The following NARF variants were observed in gnomAD, a reference collection of about 807,000 sequenced individuals.
NARF encodes iron-only hydrogenase-like protein 2.
A neutral mutation model predicts 48.0 loss-of-function variants in NARF; 41 were observed. That is an observed-to-expected ratio of 0.85 (90% CI 0.66 to 1.11). NARF has a LOEUF of 1.11. NARF is among the 50% of genes least tolerant of loss of function. The pLI, the probability that NARF is intolerant of heterozygous loss-of-function variation, is 0.00. For missense variants in NARF, 613 were observed against 590.2 expected (o/e 1.04, Z -0.40); for synonymous variants, 215 against 225.5 (o/e 0.95, Z 0.42).
In NARF at chr17:82,458,896, G is replaced by A. The variant is rs974250970; in HGVS notation, c.27+66G>A. 7.7e-6 allele frequency: 10 copies of A among 1,299,152 alleles called. No homozygotes were observed. The African/African-American group carries it at 1.5e-4, about 20-fold the overall frequency. The allele number at this position is 1,299,152 out of a possible 1,614,324, so 80.5% of individuals were successfully genotyped here. A position where few individuals can be genotyped will look rare whatever the true frequency, so the allele number is the denominator to read the frequency against. On this transcript the variant is annotated intron_variant, in intron 1 of 10. Transcript: ENST00000309794. ...TCCTGTGGGGCTCTGGGCGGCCGAG[G>A]TTGGCGGTCCGGGCCCGCCGCTCGC...
At chr17:82,478,779 G>A (rs778770000) in intron 5 of NARF, 21 bp from the exon 6 acceptor site, 24 of 1,605,632 alleles carry the variant, frequency 1.5e-5, no homozygotes, top group African/African-American at 4.0e-5. Flanking sequence ...GGAGCTGACC[G>A]TGGATCCCTT....
rs2044079165 is a variant in NARF, at chr17:82,485,587, C to T, written c.1062C>T (p.Asn354=). 6.2e-6 allele frequency: 10 copies of T among 1,614,236 alleles called. No homozygotes were observed. The highest frequency in any genetic ancestry group is 8.5e-6 in the Non-Finnish European group (10 of 1,180,038). Residue 354 remains asparagine, a synonymous_variant, in exon 10 of 11, where the codon AAC becomes AAT. Transcript: ENST00000309794. ...CCTATGGCTTTCGAAACATCCAGAA[C>T]ATGATCCTGAAGCTTAAGAAGGGCA... ...AAAYGFRNIQ[N]MILKLKKGKF...
intron 5 of NARF, among the ~76,000 whole-genome samples, chr17:82,473,302 T>TTC (rs1334723855): frequency 1.3e-5 from 2 of 149,164 alleles, no homozygotes; most frequent in African/African-American, 4.9e-5. Context: ...TCTATTTTTT[T>TTC]TTTTTTTTTG....
At chr17:82,474,444 T>G (rs1487639751) in intron 5 of NARF, among the ~76,000 whole-genome samples, 1 of 152,134 alleles carries the variant, frequency 6.6e-6, no homozygotes, top group Non-Finnish European at 1.5e-5. Context: ...TTAAGAAATC[T>G]TCGATGATGC....
chr17:82,478,531 A>T, intron 5 of NARF: 1 of 533,342 alleles, frequency 1.9e-6, no homozygotes, highest in Non-Finnish European at 3.6e-6. Context: ...TTTTTGGGGG[A>T]CCTGTTACTC....
intron 3 of NARF, 35 bp from the exon 4 acceptor site, chr17:82,468,729 A>C (rs2043628851): frequency 6.2e-7 from 1 of 1,608,570 alleles, no homozygotes; most frequent in East Asian, 2.2e-5. Context: ...TTGTGTAATC[A>C]GCAGATACCT....
rs1165034347 is a variant in NARF, at chr17:82,489,098, T to A, written c.*941T>A. 2 of 152,820 alleles carry A rather than the reference T, an allele frequency of 1.3e-5. No individual in the cohort carries two copies. Among genetic ancestry groups the A allele is most frequent in the African/African-American group, 4.8e-5 (2 of 41,468 alleles). 9.5% of individuals were successfully genotyped at this position (152,820 alleles called of 1,614,324 possible). ...TTTTCAGCTTTTCTTAGAAAAACTG[T>A]AGTTTCTGACAACAGTAGGCCCCAT... On this transcript the variant is annotated 3_prime_UTR_variant, in exon 11 of 11. Transcript: ENST00000309794.
At chr17:82,485,048 G>A (rs1361476415) in intron 9 of NARF, 98 bp downstream of exon 9, 12 of 1,381,804 alleles carry the variant, frequency 8.7e-6, no homozygotes, top group Non-Finnish European at 1.2e-5. Flanking sequence ...TATGGATGGA[G>A]TTTACACTAG....
At chr17:82,470,283 G>A (rs1289785520) in intron 4 of NARF, among the ~76,000 whole-genome samples, 2 of 152,090 alleles carry the variant, frequency 1.3e-5, no homozygotes, top group Non-Finnish European at 2.9e-5. Context: ...GTGCCCACAC[G>A]TTAGGTCGCT....
At chr17:82,464,233 A>G in intron 2 of NARF, 54 bp from the exon 3 acceptor site, 1 of 1,580,612 alleles carries the variant, frequency 6.3e-7, no homozygotes, top group South Asian at 1.2e-5. Context: ...TCTCTAAAGA[A>G]GCACATTAAA....
chr17:82,486,713 G>T (rs2044103325), intron 10 of NARF, among the ~76,000 whole-genome samples: 1 of 152,174 alleles, frequency 6.6e-6, no homozygotes, highest in South Asian at 2.1e-4. Flanking sequence ...GGGGCCTGAG[G>T]AAGGAGAAGG....
At chr17:82,467,380 C>T (rs951033005) in intron 3 of NARF, among the ~76,000 whole-genome samples, 8 of 152,180 alleles carry the variant, frequency 5.3e-5, no homozygotes, top group African/African-American at 7.2e-5. Flanking sequence ...TCTTCTATTG[C>T]GCTGCCAACA....
chr17:82,478,812 AC>A lies in NARF; in HGVS notation c.534del (p.Tyr178Ter). 1 of 1,613,680 alleles carries A rather than the reference AC, an allele frequency of 6.2e-7. No individual in the cohort carries two copies. The highest frequency in any genetic ancestry group is 8.5e-7 in the Non-Finnish European group (1 of 1,179,850). Reference protein sequence around the residue: ...LTSACPGWVRYAERVLGRPIT... With the variant: ...LTSACPGWVRXAERVLGRPIT... ...CTTCTCTCCCCAGGCTGGGTCCGATACGCCGAGCGGGTGCTGGGTCGCCCCA... is the reference window on the plus strand; with the variant it reads ...CTTCTCTCCCCAGGCTGGGTCCGATAGCCGAGCGGGTGCTGGGTCGCCCCA... On this transcript the variant is annotated frameshift_variant, in exon 6 of 11. Transcript: ENST00000309794. LOFTEE classifies it high-confidence loss of function.
At chr17:82,462,120 G>A (rs2043453632) in intron 2 of NARF, among the ~76,000 whole-genome samples, 2 of 152,228 alleles carry the variant, frequency 1.3e-5, no homozygotes, top group South Asian at 2.1e-4. Context: ...TCCCAGGACT[G>A]TGGTGAGGAT....
At chr17:82,465,883 T>C (rs2043554321) in intron 3 of NARF, among the ~76,000 whole-genome samples, 1 of 152,200 alleles carries the variant, frequency 6.6e-6, no homozygotes. Context: ...CAATTGCAGA[T>C]AGAGACACAT....
chr17:82,487,267 T>A (rs2143972716), intron 10 of NARF, among the ~76,000 whole-genome samples: 1 of 151,106 alleles, frequency 6.6e-6, no homozygotes, highest in African/African-American at 2.4e-5. Context: ...TCGGATTACC[T>A]GAGGTCAGGA....
intron 5 of NARF, among the ~76,000 whole-genome samples, chr17:82,474,958 G>A (rs541642204): frequency 6.6e-6 from 1 of 152,282 alleles, no homozygotes; most frequent in Admixed American, 6.5e-5. Context: ...TAAGCCATTT[G>A]ACGCCAGATA....
At chr17:82,460,173 A>C in intron 2 of NARF, 101 bp downstream of exon 2, 3 of 1,020,168 alleles carry the variant, frequency 2.9e-6, no homozygotes, top group Non-Finnish European at 4.4e-6. Context: ...GCTTTAAAGA[A>C]GACTGAAGTA....
At chr17:82,475,990 CTTTTT>C (rs1325931815) in intron 5 of NARF, among the ~76,000 whole-genome samples, 1 of 152,094 alleles carries the variant, frequency 6.6e-6, no homozygotes, top group East Asian at 1.9e-4. Context: ...CTGGTCAAGA[CTTTTT>C]TTTATTTTTT....
Sources: gnomAD v4.1 joint callset for allele counts (sites outside exome capture counted in the v4.1 genomes callset) on GRCh38, gnomAD v4.1.1 for gene constraint, MANE v1.5 for transcripts, NCBI Gene and HGNC (gene_info 2026-07-23, HGNC 2026-07-21) for gene names.